NCOR2: variants seen among roughly 807,000 people sequenced by gnomAD.
The protein encoded by NCOR2 is nuclear receptor corepressor 2.
NCOR2 carries 81 observed loss-of-function variants against 262.9 expected under a neutral mutation model. The observed-to-expected ratio is 0.31, with a 90% CI of 0.26 to 0.37. The LOEUF is 0.37. Among genes scored for constraint, NCOR2 ranks in the 10% least tolerant of loss-of-function variants. The probability of loss-of-function intolerance (pLI) is 1.00; values close to 1 mark genes in which losing one functional copy is unlikely to be tolerated. For synonymous variants in NCOR2, 1,659 were observed against 1,559.3 expected (o/e 1.06, Z -1.51); for missense variants, 3,385 against 3,621.4 (o/e 0.93, Z 1.68).
At chr12:124,327,683 G>A (rs750923072) in intron 44 of NCOR2, 50 bp from the exon 47 acceptor site, 3 of 1,388,332 alleles carry the variant, frequency 2.2e-6, no homozygotes. Context: ...GCCGGGGAGG[G>A]GGAGCCAGAG....
intron 1 of NCOR2, among the ~76,000 whole-genome samples, chr12:124,521,501 G>T (rs2050186639): frequency 6.6e-6 from 1 of 152,216 alleles, no homozygotes; most frequent in South Asian, 2.1e-4. Flanking sequence ...CGGAGTGAAA[G>T]AAGCCAAAAC....
intron 11 of NCOR2, among the ~76,000 whole-genome samples, chr12:124,424,818 C>A (rs945644543): frequency 6.6e-6 from 1 of 152,148 alleles, no homozygotes; most frequent in Non-Finnish European, 1.5e-5. Context: ...AGTAGCCTGC[C>A]GGGTGAACGT....
rs143976620 is a variant in NCOR2 at position 124,399,523 on chromosome 12, G to A, written c.1813+978C>T. Reference sequence around the variant, plus strand: ...TAGGCTCTGTGGCCAATGGGGCTGAGTTCTAACCCCAGCTACAATGAAATT... The same window carrying A: ...TAGGCTCTGTGGCCAATGGGGCTGAATTCTAACCCCAGCTACAATGAAATT... On this transcript the variant is annotated intron_variant, in intron 15 of 46. Coordinates refer to ENST00000405201, the Ensembl canonical transcript of NCOR2. Among the ~76,000 whole-genome samples the A allele has an allele frequency of 3.4e-3, 518 of 152,320 alleles. 1 individual carries two copies. Among genetic ancestry groups the A allele is most frequent in the Middle Eastern group, 0.014 (4 of 294 alleles).
At chr12:124,505,719 C>T (rs2049004335) in intron 1 of NCOR2, among the ~76,000 whole-genome samples, 1 of 151,996 alleles carries the variant, frequency 6.6e-6, no homozygotes, top group Non-Finnish European at 1.5e-5. Context: ...ACAGAAGAGC[C>T]CCCAGAAGGA....
At chr12:124,507,802 A>G (rs2049130862) in intron 1 of NCOR2, among the ~76,000 whole-genome samples, 1 of 152,186 alleles carries the variant, frequency 6.6e-6, no homozygotes, top group South Asian at 2.1e-4. Context: ...GCTCATGTCC[A>G]TGCCCAGACC....
At chr12:124,448,833 TTGAACAATCGGACCGGGC>T (rs1390141650) in intron 7 of NCOR2, among the ~76,000 whole-genome samples, 1 of 152,192 alleles carries the variant, frequency 6.6e-6, no homozygotes, top group African/African-American at 2.4e-5. Context: ...CCAGGAACGC[TTGAACAATCGGACCGGGC>T]TGAACTACCC....
At chr12:124,452,409 G>A (rs2045602806) in intron 6 of NCOR2, among the ~76,000 whole-genome samples, 1 of 152,208 alleles carries the variant, frequency 6.6e-6, no homozygotes, top group Non-Finnish European at 1.5e-5. Flanking sequence ...CAATTTAAAT[G>A]GTGCCTCCTC....
intron 5 of NCOR2, among the ~76,000 whole-genome samples, chr12:124,460,458 C>T (rs1010460741): frequency 2.6e-5 from 4 of 152,258 alleles, no homozygotes; most frequent in South Asian, 2.1e-4. Context: ...AAGCTGCTAT[C>T]GTCCAGCAGG....
intron 32 of NCOR2, 75 bp downstream of exon 34, chr12:124,344,522 C>G: frequency 7.6e-7 from 1 of 1,318,954 alleles, no homozygotes; most frequent in Non-Finnish European, 1.0e-6. Flanking sequence ...GCAAACTAAG[C>G]TAATGGTGGA....
intron 1 of NCOR2, among the ~76,000 whole-genome samples, chr12:124,560,475 A>G (rs899568841): frequency 6.6e-6 from 1 of 152,260 alleles, no homozygotes; most frequent in African/African-American, 2.4e-5. Context: ...CACCATACAG[A>G]AACAGGTGGT....
intron 15 of NCOR2, among the ~76,000 whole-genome samples, chr12:124,398,740 T>C (rs1434189883): frequency 6.6e-6 from 1 of 152,166 alleles, no homozygotes; most frequent in Admixed American, 6.5e-5. Flanking sequence ...ATTGTGACCA[T>C]CAAAACTGTT....
chr12:124,518,689 C>T (rs545099056), intron 1 of NCOR2, among the ~76,000 whole-genome samples: 6 of 152,392 alleles, frequency 3.9e-5, no homozygotes, highest in South Asian at 2.1e-4. Context: ...GTAACCCTGG[C>T]GGGCTTCCAG....
chr12:124,421,822 A>G (rs2043218849), intron 12 of NCOR2, among the ~76,000 whole-genome samples: 1 of 152,220 alleles, frequency 6.6e-6, no homozygotes, highest in African/African-American at 2.4e-5. Context: ...CTCTCCAGGC[A>G]CAGTCCAACC....
Position 124,362,262 on chromosome 12 carries a change from G to A in NCOR2, c.2964C>T (p.Asp988=), listed in dbSNP as rs552738969. The A allele has an allele frequency of 1.1e-4, 150 of 1,314,534 alleles. 1 individual carries two copies. In the South Asian group the frequency reaches 3.4e-3, roughly 29 times the overall value. 81.4% of individuals were successfully genotyped at this position (1,314,534 alleles called of 1,614,324 possible). A position where few individuals can be genotyped will look rare whatever the true frequency, so the allele number is the denominator to read the frequency against. ...GGGGAGCTGGCTTGGTGGGAGCTGC[G>A]TCCTCCCGGGGGGGCTCATGGACTT... Residue 988 remains aspartate (D), a synonymous_variant, in exon 22 of 47, where the codon GAC becomes GAT. Transcript: ENST00000405201.
chr12:124,374,705 T>C (rs374668129), intron 18 of NCOR2, among the ~76,000 whole-genome samples: 2 of 152,252 alleles, frequency 1.3e-5, no homozygotes, highest in South Asian at 2.1e-4. Context: ...AATGGCCTGT[T>C]CAAGGCCAGC....
rs1272060606 is a variant in NCOR2 at position 124,503,668 on chromosome 12, GTGAA to G, written c.-117-8304_-117-8301del. Among the ~76,000 whole-genome samples the G allele has an allele frequency of 2.0e-5, 2 of 99,912 alleles. No individual in the cohort carries two copies. The highest frequency in any genetic ancestry group is 1.0e-4 in the African/African-American group (2 of 19,704). 65.5% of individuals were successfully genotyped at this position (99,912 alleles called of 152,430 possible). On this transcript the variant is annotated intron_variant, in intron 1 of 46. Coordinates refer to the NCOR2 transcript ENST00000404621. This position sits in a 1 kb window ranked among gnomAD's most constrained non-coding sequence, Gnocchi z 4.3. Reference sequence around the variant, plus strand: ...GATGGATGGATGGATGGATGGACGGGTGAATGGATGGATGGATGGATGGATGGAT... The same window carrying G: ...GATGGATGGATGGATGGATGGACGGGTGGATGGATGGATGGATGGATGGAT...
intron 16 of NCOR2, among the ~76,000 whole-genome samples, chr12:124,390,362 C>A (rs1477577723): frequency 6.6e-6 from 1 of 152,200 alleles, no homozygotes; most frequent in African/African-American, 2.4e-5. Flanking sequence ...GGCCTTTGCA[C>A]CAGCTGCTCC....
Position 124,509,245 on chromosome 12 carries a change from G to GT in NCOR2, c.-117-13878_-117-13877insA, listed in dbSNP as rs1483547662. On this transcript the variant is annotated intron_variant, in intron 1 of 46. Coordinates refer to the NCOR2 transcript ENST00000404621. ...TGGCACTGGCTTTGGTGGGGGGGGG[G>GT]GGGGCTTAACTCTGAACTCTCAAGC... Among the ~76,000 whole-genome samples, 12 of 144,472 alleles carry GT rather than the reference G, an allele frequency of 8.3e-5. 1 individual carries two copies. The highest frequency in any genetic ancestry group is 1.7e-4 in the African/African-American group (6 of 34,378). The allele number at this position is 144,472 out of a possible 152,430, so 94.8% of individuals were successfully genotyped here.
intron 22 of NCOR2, among the ~76,000 whole-genome samples, chr12:124,360,232 C>G (rs1317447998): frequency 1.3e-5 from 2 of 152,252 alleles, no homozygotes; most frequent in African/African-American, 4.8e-5. Context: ...CAGAGCCACA[C>G]CCTGGGCCGC....
Sources: gnomAD v4.1 joint callset for allele counts (sites outside exome capture counted in the v4.1 genomes callset) on GRCh38, gnomAD v4.1.1 for gene constraint, Gnocchi (gnomAD v3.1) non-coding constraint, MANE v1.5 for transcripts, NCBI Gene and HGNC (gene_info 2026-07-23, HGNC 2026-07-21) for gene names.